XRCC5: variants seen among roughly 807,000 people sequenced by gnomAD.
The protein encoded by XRCC5 is X-ray repair cross complementing 5, also known as DNA repair protein Ku80.
A neutral mutation model predicts 95.7 loss-of-function variants in XRCC5; 12 were observed. The ratio of observed to expected loss-of-function variants is 0.13; its 90% CI spans 0.08 to 0.20. XRCC5 has a LOEUF of 0.20. Among genes scored for constraint, XRCC5 ranks in the 10% least tolerant of loss-of-function variants. The probability of loss-of-function intolerance (pLI) is 1.00; values close to 1 mark genes in which losing one functional copy is unlikely to be tolerated. For synonymous variants in XRCC5, 281 were observed against 290.3 expected (o/e 0.97, Z 0.33); for missense variants, 595 against 873.9 (o/e 0.68, Z 4.02).
intron 8 of XRCC5, among the ~76,000 whole-genome samples, chr2:216,128,369 C>G (rs765281554): frequency 1.3e-5 from 2 of 152,156 alleles, no homozygotes; most frequent in African/African-American, 4.8e-5. Flanking sequence ...GAAAAGAATT[C>G]TTTTCCTCTG....
chr2:216,205,008 A>G (rs1689916412), intron 20 of XRCC5, among the ~76,000 whole-genome samples, 180 bp from the exon 21 acceptor site: 2 of 152,218 alleles, frequency 1.3e-5, no homozygotes, highest in African/African-American at 4.8e-5. Context: ...AGACATTCTC[A>G]TTACTAAAAT....
intron 16 of XRCC5, among the ~76,000 whole-genome samples, chr2:216,188,952 A>C (rs1166289046): frequency 6.6e-6 from 1 of 152,234 alleles, no homozygotes; most frequent in Admixed American, 6.5e-5. Context: ...GAGTTGGTAG[A>C]AGGGATGAAA....
intron 14 of XRCC5, among the ~76,000 whole-genome samples, chr2:216,151,675 C>T (rs1269968098): frequency 6.6e-6 from 1 of 152,200 alleles, no homozygotes; most frequent in Non-Finnish European, 1.5e-5. Context: ...ATGCTGTTCA[C>T]TCTTGTATCC....
intron 16 of XRCC5, among the ~76,000 whole-genome samples, chr2:216,172,464 C>CTTTCCTTTTTTTTTTTTTTTTTTTT (rs1258491985): frequency 2.8e-5 from 2 of 70,350 alleles, no homozygotes; most frequent in African/African-American, 1.3e-4. Flanking sequence ...ATCAGCTTTT[C>CTTTCCTTTTTTTTTTTTTTTTTTTT]TTTTCTTTTT....
intron 20 of XRCC5, 112 bp downstream of exon 20, chr2:216,204,508 C>T: frequency 8.8e-7 from 1 of 1,136,282 alleles, no homozygotes; most frequent in Non-Finnish European, 1.3e-6. Context: ...GTTTTAATTT[C>T]CAATACACCA....
intron 13 of XRCC5, among the ~76,000 whole-genome samples, chr2:216,144,999 G>A (rs1007835134): frequency 6.6e-6 from 1 of 152,210 alleles, no homozygotes; most frequent in Non-Finnish European, 1.5e-5. Flanking sequence ...AGGAAGAGAC[G>A]AGTTGGAAAG....
intron 15 of XRCC5, among the ~76,000 whole-genome samples, chr2:216,160,954 G>A (rs549565500): frequency 1.3e-5 from 2 of 152,102 alleles, no homozygotes; most frequent in South Asian, 4.2e-4. Context: ...TCAGCCTCCC[G>A]AAGCACTGGG....
intron 16 of XRCC5, among the ~76,000 whole-genome samples, chr2:216,185,816 G>C (rs765467854): frequency 7.2e-5 from 11 of 151,852 alleles, no homozygotes; most frequent in African/African-American, 1.7e-4. Context: ...GTAGAGACAG[G>C]GTTTCACAAT....
chr2:216,187,521 T>TG (rs1559261059), intron 16 of XRCC5, among the ~76,000 whole-genome samples: 4 of 134,734 alleles, frequency 3.0e-5, no homozygotes, highest in Admixed American at 7.4e-5. Flanking sequence ...TGTGTGTGTG[T>TG]TCTATCATAT....
At chr2:216,164,370 CATATT>C (rs1273872009) in intron 16 of XRCC5, among the ~76,000 whole-genome samples, 2 of 152,314 alleles carry the variant, frequency 1.3e-5, no homozygotes, top group East Asian at 3.9e-4. Context: ...CTAGCGGTTT[CATATT>C]TACTATGTTC....
At position 216,205,500 on chromosome 2, in the gene XRCC5, G is replaced by T; in HGVS notation, c.*298G>T. The T allele has an allele frequency of 2.5e-6, 1 of 399,056 alleles. No homozygotes were observed. Among genetic ancestry groups the T allele is most frequent in the Non-Finnish European group, 4.6e-6 (1 of 219,628 alleles). 24.7% of individuals were successfully genotyped at this position (399,056 alleles called of 1,614,324 possible). ...TTACATACATGCTTTGAAGTTTCTG[G>T]AAAGTAGATCTTTTCTTGACCTAGT... On this transcript the variant is annotated 3_prime_UTR_variant, in exon 21 of 21. Transcript: ENST00000392132.
chr2:216,120,670 C>G (rs546133205), intron 5 of XRCC5, among the ~76,000 whole-genome samples: 43 of 152,202 alleles, frequency 2.8e-4, no homozygotes, highest in Non-Finnish European at 4.7e-4. Context: ...AACCTCCTAC[C>G]GGAGCCTTCT....
chr2:216,125,210 T>C (rs1252291679), intron 6 of XRCC5, among the ~76,000 whole-genome samples: 1 of 151,978 alleles, frequency 6.6e-6, no homozygotes, highest in Non-Finnish European at 1.5e-5. Context: ...TTCTTTTTTT[T>C]TTTTGAGACA....
At chr2:216,162,126 C>T (rs1202005994) in intron 16 of XRCC5, 78 bp downstream of exon 16, 2 of 1,361,452 alleles carry the variant, frequency 1.5e-6, no homozygotes, top group African/African-American at 2.9e-5. Context: ...AGAACTGTAG[C>T]CTTTTGTTGT....
At chr2:216,176,083 G>T in intron 16 of XRCC5, 1 of 185,512 alleles carries the variant, frequency 5.4e-6, no homozygotes. Context: ...GGAACTGTGA[G>T]GAAGAGGCTG....
At chr2:216,142,218 T>C (rs207883) in intron 13 of XRCC5, among the ~76,000 whole-genome samples, 133,078 of 152,042 alleles carry the variant, frequency 0.88, 58,307 homozygotes, top group East Asian at 0.91. Flanking sequence ...CACTTTTCTT[T>C]GTTTTCTATA....
At position 216,137,010 on chromosome 2, in the gene XRCC5, C is replaced by G. The variant is rs188880708; in HGVS notation, c.1114-78C>G. ...ATGTAAAATAGAAAGAAAGTGATAA[C>G]AGTCTTAAAGTATTGAGTTCTGTTG... On this transcript the variant is annotated intron_variant, in intron 10 of 20. Coordinates refer to ENST00000392132, the MANE Select transcript of XRCC5 (RefSeq NM_021141.4). The G allele has an allele frequency of 5.0e-5, 73 of 1,460,410 alleles. No individual in the cohort carries two copies. In the African/African-American group the frequency reaches 9.4e-4, roughly 19 times the overall value. 90.5% of individuals were successfully genotyped at this position (1,460,410 alleles called of 1,614,324 possible).
chr2:216,193,088 G>A (rs1427748454), intron 18 of XRCC5, among the ~76,000 whole-genome samples: 1 of 152,170 alleles, frequency 6.6e-6, no homozygotes, highest in African/African-American at 2.4e-5. Context: ...TTTCAGTCCT[G>A]CTGGTTCCAC....
chr2:216,137,953 CT>C (rs1224089052), intron 11 of XRCC5, 135 bp from the exon 12 acceptor site: 1 of 680,590 alleles, frequency 1.5e-6, no homozygotes, highest in Non-Finnish European at 2.4e-6. Context: ...AAACACTTCA[CT>C]TTTCATATGC....
Sources: gnomAD v4.1 joint callset for allele counts (sites outside exome capture counted in the v4.1 genomes callset) on GRCh38, gnomAD v4.1.1 for gene constraint, MANE v1.5 for transcripts, NCBI Gene and HGNC (gene_info 2026-07-23, HGNC 2026-07-21) for gene names.